The following CUEDC1 variants were observed in gnomAD, a reference collection of about 807,000 sequenced individuals.
CUEDC1 encodes the protein CUE domain containing 1.
A neutral mutation model predicts 43.7 loss-of-function variants in CUEDC1; 30 were observed. The observed-to-expected ratio is 0.69, with a 90% CI of 0.51 to 0.93. The LOEUF is 0.93. Ranked by LOEUF, CUEDC1 falls within the 40% of genes least tolerant of loss-of-function variation. The pLI is 0.00. For synonymous variants in CUEDC1, 223 were observed against 223.6 expected (o/e 1.00, Z 0.02); for missense variants, 486 against 549.0 (o/e 0.89, Z 1.15).
chr17:57,873,502 GAA>G, intron 4 of CUEDC1, 87 bp downstream of exon 4: 1 of 1,399,270 alleles, frequency 7.1e-7, no homozygotes, highest in Non-Finnish European at 9.6e-7. Context: ...TAAACATCAG[GAA>G]GTAAAACTGG....
In CUEDC1 at chr17:57,906,815, T is replaced by A. The variant is rs1410001254; in HGVS notation, c.-315-20936A>T. ...AGTGAAACCTCGTCTCTACTAAAAATATAAAAATTAGTCGGGCGTGATGGC... is the reference window on the plus strand; with the variant it reads ...AGTGAAACCTCGTCTCTACTAAAAAAATAAAAATTAGTCGGGCGTGATGGC... On this transcript the variant is annotated intron_variant, in intron 1 of 10. Coordinates refer to ENST00000577830, the MANE Select transcript of CUEDC1 (RefSeq NM_001271875.2). Among the ~76,000 whole-genome samples, 3 of 151,558 alleles carry A rather than the reference T, an allele frequency of 2.0e-5. No homozygotes were observed. The East Asian group carries it at 5.8e-4, about 29-fold the overall frequency.
chr17:57,895,669 C>T (rs764559835), intron 1 of CUEDC1, among the ~76,000 whole-genome samples: 8 of 152,186 alleles, frequency 5.3e-5, no homozygotes, highest in Non-Finnish European at 8.8e-5. Context: ...GGAGATCAAA[C>T]CTCAGCGGAT....
At chr17:57,870,864 G>A (rs943185580) in intron 6 of CUEDC1, among the ~76,000 whole-genome samples, 1 of 152,116 alleles carries the variant, frequency 6.6e-6, no homozygotes, top group Admixed American at 6.5e-5. Flanking sequence ...TTTTTTGGTA[G>A]AGATAGGGGG....
chr17:57,892,322 C>T (rs1269377241), intron 1 of CUEDC1, among the ~76,000 whole-genome samples: 1 of 152,192 alleles, frequency 6.6e-6, no homozygotes, highest in East Asian at 1.9e-4. Context: ...CACCAGGGGG[C>T]AGGAGGCTAA....
intron 1 of CUEDC1, among the ~76,000 whole-genome samples, chr17:57,941,946 C>T (rs972039092): frequency 6.6e-6 from 1 of 152,148 alleles, no homozygotes; most frequent in Non-Finnish European, 1.5e-5. Context: ...GTGGAGAAGC[C>T]AGAGTCCGAA....
Position 57,885,702 on chromosome 17 carries a change from G to A in CUEDC1, c.-138C>T. 1.6e-6 allele frequency: 2 copies of A among 1,277,838 alleles called. No individual in the cohort carries two copies. The highest frequency in any genetic ancestry group is 2.3e-5 in the South Asian group (1 of 42,964). 79.2% of individuals were successfully genotyped at this position (1,277,838 alleles called of 1,614,324 possible). The stretch of plus-strand genomic sequence containing the variant: ...CGCCTCCTCCTCCCCGGGTAGCCAG[G>A]CAGCAATGGGCTGCCAAGAGCTCCG... On this transcript the variant is annotated 5_prime_UTR_variant, in exon 2 of 11. Coordinates refer to ENST00000577830, the MANE Select transcript of CUEDC1 (RefSeq NM_001271875.2).
At chr17:57,914,199 G>C (rs1182390042) in intron 1 of CUEDC1, among the ~76,000 whole-genome samples, 4 of 152,300 alleles carry the variant, frequency 2.6e-5, no homozygotes, top group African/African-American at 9.6e-5. Context: ...GGGAGAGGAG[G>C]AGATTTTAAA....
intron 1 of CUEDC1, among the ~76,000 whole-genome samples, chr17:57,900,869 G>A (rs1191816034): frequency 1.3e-5 from 2 of 152,254 alleles, no homozygotes; most frequent in Non-Finnish European, 2.9e-5. Context: ...GAAATGCAAT[G>A]AGCTTTTCCA....
rs1207554965 is a variant in CUEDC1, at chr17:57,930,589, T to C, written c.-316+24636A>G. The stretch of plus-strand genomic sequence containing the variant: ...TTTGAGAAAACTGTGCCCACTTCTT[T>C]GGTTCTGCTCAAGCCAGACTGAAGC... On this transcript the variant is annotated intron_variant, in intron 1 of 10. Coordinates refer to ENST00000577830, the MANE Select transcript of CUEDC1 (RefSeq NM_001271875.2). The surrounding 1 kb of genome is among the most constrained non-coding windows in gnomAD (Gnocchi z 4.2). Among the ~76,000 whole-genome samples the C allele has an allele frequency of 6.6e-6, 1 of 152,242 alleles. No homozygotes were observed. The highest frequency in any genetic ancestry group is 1.5e-5 in the Non-Finnish European group (1 of 68,036).
intron 10 of CUEDC1, among the ~76,000 whole-genome samples, chr17:57,864,308 G>C (rs1271869608): frequency 6.6e-6 from 1 of 151,366 alleles, no homozygotes; most frequent in Non-Finnish European, 1.5e-5. Context: ...TGGAGATTCA[G>C]ATGTAGGAGC....
At position 57,885,640 on chromosome 17, in the gene CUEDC1, G is replaced by A. The variant is rs1205385412; in HGVS notation, c.-76C>T. On this transcript the variant is annotated 5_prime_UTR_variant, in exon 2 of 11. Coordinates refer to ENST00000577830, the MANE Select transcript of CUEDC1 (RefSeq NM_001271875.2). ...CCCCAGGGTCTTTCCGCCGTCAGCCGCTTACTTGCCCTGCGGTCTCGGGCA... is the reference window on the plus strand; with the variant it reads ...CCCCAGGGTCTTTCCGCCGTCAGCCACTTACTTGCCCTGCGGTCTCGGGCA... 5.2e-6 allele frequency: 7 copies of A among 1,333,472 alleles called. No homozygotes were observed. The highest frequency in any genetic ancestry group is 6.7e-6 in the Non-Finnish European group (7 of 1,048,086). The allele number at this position is 1,333,472 out of a possible 1,614,324, so 82.6% of individuals were successfully genotyped here. A position where few individuals can be genotyped will look rare whatever the true frequency, so the allele number is the denominator to read the frequency against.
At chr17:57,947,223 T>C (rs373935258) in intron 1 of CUEDC1, among the ~76,000 whole-genome samples, 1 of 152,190 alleles carries the variant, frequency 6.6e-6, no homozygotes, top group East Asian at 1.9e-4. Context: ...ATCATGGGAT[T>C]AGAGGAGGAA....
intron 1 of CUEDC1, among the ~76,000 whole-genome samples, chr17:57,929,057 C>G (rs888088773): frequency 6.6e-6 from 1 of 152,062 alleles, no homozygotes; most frequent in Non-Finnish European, 1.5e-5. Flanking sequence ...TAAAGGCCAC[C>G]GTCTGTCTAA....
At chr17:57,951,939 C>T (rs535849993) in intron 1 of CUEDC1, among the ~76,000 whole-genome samples, 4 of 152,258 alleles carry the variant, frequency 2.6e-5, no homozygotes, top group Admixed American at 6.5e-5. Context: ...TGTGATAATG[C>T]GCTGACACAT....
rs2073957833 is a variant in CUEDC1, at chr17:57,866,375, GC to G, written c.*3+98del. On this transcript the variant is annotated intron_variant, in intron 10 of 10. Coordinates refer to ENST00000577830, the MANE Select transcript of CUEDC1 (RefSeq NM_001271875.2). The stretch of plus-strand genomic sequence containing the variant: ...GGGCCTGTGCTACCCAGTTGCCTGA[GC>G]CCAGCGCCTCTGGACACCTGGGAGG... The G allele has an allele frequency of 4.4e-6, 5 of 1,125,098 alleles. No homozygotes were observed. In the South Asian group the frequency reaches 6.8e-5, roughly 15 times the overall value. 69.7% of individuals were successfully genotyped at this position (1,125,098 alleles called of 1,614,324 possible).
At position 57,872,628 on chromosome 17, in the gene CUEDC1, T is replaced by C. The variant is rs755483305; in HGVS notation, c.784+35A>G. On this transcript the variant is annotated intron_variant, in intron 5 of 10. Transcript: ENST00000577830. ...CTAAAGCCAGCATCACCTCCCTTCT[T>C]CAGCCAGGGAGAAGTGGCTGCAGGC... 10 of 1,611,128 alleles carry C rather than the reference T, an allele frequency of 6.2e-6. No individual in the cohort carries two copies. In the South Asian group the frequency reaches 1.1e-4, roughly 18 times the overall value.
chr17:57,937,685 C>G (rs1046673680), intron 1 of CUEDC1, among the ~76,000 whole-genome samples: 31 of 151,292 alleles, frequency 2.0e-4, no homozygotes, highest in Middle Eastern at 3.2e-3. Flanking sequence ...AATCTCAACA[C>G]TTTAGGAGAT....
chr17:57,875,579 TA>T (rs375044865), intron 3 of CUEDC1, among the ~76,000 whole-genome samples: 60 of 141,620 alleles, frequency 4.2e-4, no homozygotes, highest in African/African-American at 1.2e-3. Flanking sequence ...GAGACGCAAA[TA>T]AAAAAAAAAA....
intron 1 of CUEDC1, among the ~76,000 whole-genome samples, chr17:57,895,675 C>T (rs531896256): frequency 2.6e-4 from 40 of 152,284 alleles, no homozygotes; most frequent in African/African-American, 8.4e-4. Context: ...CAAACCTCAG[C>T]GGATTAAGGG....
Sources: gnomAD v4.1 joint callset for allele counts (sites outside exome capture counted in the v4.1 genomes callset) on GRCh38, gnomAD v4.1.1 for gene constraint, Gnocchi (gnomAD v3.1) non-coding constraint, MANE v1.5 for transcripts, NCBI Gene and HGNC (gene_info 2026-07-23, HGNC 2026-07-21) for gene names.